Variants in IQCH observed in about 807,000 individuals in gnomAD.
The protein encoded by IQCH is IQ motif containing H, also known as IQ domain-containing protein H.
Under a neutral mutation model 117.0 loss-of-function variants are expected in IQCH, and 98 were observed. The observed-to-expected ratio is 0.84, with a 90% confidence interval of 0.71 to 0.99. The LOEUF is 0.99. IQCH is among the 50% of genes least tolerant of loss of function. The pLI is 0.00. For synonymous variants in IQCH, 412 were observed against 448.2 expected, an observed-to-expected ratio of 0.92 and a Z score of 1.02; for missense variants, 1,102 against 1,243.8, an observed-to-expected ratio of 0.89 and a Z score of 1.72.
chr15:67,264,928 A>T (rs1444934), intron 3 of IQCH, among the ~76,000 whole-genome samples: 67,370 of 151,596 alleles, frequency 0.44, 15,504 homozygotes, highest in Non-Finnish European at 0.52. Flanking sequence ...TACCAAGGCA[A>T]AGTTCAGTGC....
intron 4 of IQCH, among the ~76,000 whole-genome samples, chr15:67,305,140 G>A (rs1238751279): frequency 6.6e-6 from 1 of 151,998 alleles, no homozygotes; most frequent in African/African-American, 2.4e-5. Context: ...CAATTACTGA[G>A]GTAACATCTC....
chr15:67,404,761 AT>A lies in IQCH; in HGVS notation c.2097+4459del, dbSNP rs1971819287. 1 of 152,180 alleles carries A rather than the reference AT, an allele frequency of 6.6e-6. No individual in the cohort carries two copies. Among genetic ancestry groups the A allele is most frequent in the Admixed American group, 6.5e-5 (1 of 15,272 alleles). 9.4% of individuals were successfully genotyped at this position (152,180 alleles called of 1,614,324 possible). ...ATTGAACAATTCAACTAAGTTGGAA[AT>A]TTAGGCTATTCCCAGCTTTCATTTT... On this transcript the variant is annotated intron_variant, in intron 14 of 20. Coordinates refer to ENST00000335894, the MANE Select transcript of IQCH (RefSeq NM_001031715.3). The surrounding 1 kb of genome is among the most constrained non-coding windows in gnomAD (Gnocchi z 4.6).
chr15:67,380,918 A>T (rs1970908326), intron 10 of IQCH, among the ~76,000 whole-genome samples: 1 of 152,228 alleles, frequency 6.6e-6, no homozygotes, highest in Non-Finnish European at 1.5e-5. Flanking sequence ...ACTACTTGGT[A>T]ATCAGGAGTC....
rs1971853417 is a variant in IQCH, at chr15:67,405,403, TCATCA to T, written c.2097+5099_2097+5103del. On this transcript the variant is annotated intron_variant, in intron 14 of 20. Coordinates refer to ENST00000335894, the MANE Select transcript of IQCH (RefSeq NM_001031715.3). The surrounding 1 kb of genome is among the most constrained non-coding windows in gnomAD (Gnocchi z 4.8). ...TTGTATTTCTTTGTCATCATCATCATCATCATCATCATCATCATCATCATCAATAA... is the reference window on the plus strand; with the variant it reads ...TTGTATTTCTTTGTCATCATCATCATTCATCATCATCATCATCATCAATAA... 1 of 158,204 alleles carries T rather than the reference TCATCA, an allele frequency of 6.3e-6. No individual in the cohort carries two copies. Among genetic ancestry groups the T allele is most frequent in the Non-Finnish European group, 1.4e-5 (1 of 72,442 alleles). 9.8% of individuals were successfully genotyped at this position (158,204 alleles called of 1,614,324 possible).
rs2081363415 is a variant in IQCH, at chr15:67,408,519, C to A, written c.2097+8214C>A. 6.6e-6 allele frequency: 1 copy of A among 152,176 alleles called. No homozygotes were observed. The highest frequency in any genetic ancestry group is 6.5e-5 in the Admixed American group (1 of 15,278). The allele number at this position is 152,176 out of a possible 1,614,324, so 9.4% of individuals were successfully genotyped here. A position where few individuals can be genotyped will look rare whatever the true frequency, so the allele number is the denominator to read the frequency against. ...CAATATATAATGCTACTACATCTGC[C>A]TCAAGTGTATGCATCTGTATGTGTG... On this transcript the variant is annotated intron_variant, in intron 14 of 20. Transcript: ENST00000335894. The surrounding 1 kb of genome is among the most constrained non-coding windows in gnomAD (Gnocchi z 4.2).
rs1331293314 is a variant in IQCH at position 67,475,792 on chromosome 15, G to T, written c.2773G>T (p.Ala925Ser). 2 of 1,614,122 alleles carry T rather than the reference G, an allele frequency of 1.2e-6. No individual in the cohort carries two copies. Among genetic ancestry groups the T allele is most frequent in the South Asian group, 2.2e-5 (2 of 91,080 alleles). Residue 925 changes from alanine (A) to serine (S), a missense_variant, in exon 18 of 21, where the codon GCC (alanine) becomes TCC (serine). Coordinates refer to ENST00000335894, the MANE Select transcript of IQCH (RefSeq NM_001031715.3). This position sits in a 1 kb window ranked among gnomAD's most constrained non-coding sequence, Gnocchi z 5.7. ...CTATGTTTTTCTCCAGATCTGTAGGGCCCATGGCATTGGCTATGATGTTGA... is the reference window on the plus strand; with the variant it reads ...CTATGTTTTTCTCCAGATCTGTAGGTCCCATGGCATTGGCTATGATGTTGA... ...FHYVFLQICR[A>S]HGIGYDVEER...
At chr15:67,282,834 T>G (rs1332927418) in intron 4 of IQCH, among the ~76,000 whole-genome samples, 1 of 152,222 alleles carries the variant, frequency 6.6e-6, no homozygotes, top group Non-Finnish European at 1.5e-5. Context: ...ATCAAAAAGC[T>G]TAAATGACAA....
In IQCH at chr15:67,369,129, A is replaced by G. The variant is rs1327278229; in HGVS notation, c.754-2982A>G. 1.3e-5 allele frequency among the ~76,000 whole-genome samples: 2 copies of G among 152,210 alleles called. No individual in the cohort carries two copies. Among genetic ancestry groups the G allele is most frequent in the Non-Finnish European group, 2.9e-5 (2 of 68,040 alleles). ...CTGTGACTTACTAACATATGTAATCATCATCCTGCTTTCCTGTTTTTTGTT... is the reference window on the plus strand; with the variant it reads ...CTGTGACTTACTAACATATGTAATCGTCATCCTGCTTTCCTGTTTTTTGTT... On this transcript the variant is annotated intron_variant, in intron 8 of 20. Coordinates refer to ENST00000335894, the MANE Select transcript of IQCH (RefSeq NM_001031715.3). The surrounding 1 kb of genome is among the most constrained non-coding windows in gnomAD (Gnocchi z 5.2).
chr15:67,257,890 A>G (rs1053974826), intron 1 of IQCH, among the ~76,000 whole-genome samples: 4 of 152,220 alleles, frequency 2.6e-5, no homozygotes, highest in Non-Finnish European at 5.9e-5. Flanking sequence ...TGCTATTTTC[A>G]TTCTTTCTGA....
At chr15:67,373,893 G>A (rs1970649046) in intron 10 of IQCH, 1 of 195,924 alleles carries the variant, frequency 5.1e-6, no homozygotes, top group Non-Finnish European at 1.0e-5. Flanking sequence ...CTAATTACGA[G>A]CAGATGGGAT....
intron 4 of IQCH, among the ~76,000 whole-genome samples, chr15:67,320,147 A>T (rs1968046042): frequency 6.6e-6 from 1 of 152,238 alleles, no homozygotes; most frequent in African/African-American, 2.4e-5. Flanking sequence ...TCAGGAAGGG[A>T]TGCCAAATTA....
chr15:67,298,247 G>A (rs1966871887), intron 4 of IQCH, among the ~76,000 whole-genome samples: 1 of 151,372 alleles, frequency 6.6e-6, no homozygotes, highest in African/African-American at 2.4e-5. Flanking sequence ...GGCGGAGGTT[G>A]CAGTAAGCCG....
At position 67,457,457 on chromosome 15, in the gene IQCH, T is replaced by C. The variant is rs2082686779; in HGVS notation, c.2506-7670T>C. On this transcript the variant is annotated intron_variant, in intron 16 of 20. Transcript: ENST00000335894. The surrounding 1 kb of genome is among the most constrained non-coding windows in gnomAD (Gnocchi z 5.7). Reference sequence around the variant, plus strand: ...GTATTTAAATAGCATCTGCAAAGAGTTAAATGTGCTCCCTGTCTCTGAGAA... The same window carrying C: ...GTATTTAAATAGCATCTGCAAAGAGCTAAATGTGCTCCCTGTCTCTGAGAA... Among the ~76,000 whole-genome samples the C allele has an allele frequency of 6.6e-6, 1 of 152,086 alleles. No homozygotes were observed. Among genetic ancestry groups the C allele is most frequent in the Admixed American group, 6.5e-5 (1 of 15,280 alleles).
rs2082855813 is a variant in IQCH at position 67,463,616 on chromosome 15, C to T, written c.2506-1511C>T. Among the ~76,000 whole-genome samples, 1 of 152,100 alleles carries T rather than the reference C, an allele frequency of 6.6e-6. No individual in the cohort carries two copies. The highest frequency in any genetic ancestry group is 2.1e-4 in the South Asian group (1 of 4,826). On this transcript the variant is annotated intron_variant, in intron 16 of 20. Transcript: ENST00000335894. The surrounding 1 kb of genome is among the most constrained non-coding windows in gnomAD (Gnocchi z 4.0). ...AGATCTGAGATATTTATGATTCACCCAGCTTCATAAAAACTGCAGGTACTT... is the reference window on the plus strand; with the variant it reads ...AGATCTGAGATATTTATGATTCACCTAGCTTCATAAAAACTGCAGGTACTT...
intron 3 of IQCH, among the ~76,000 whole-genome samples, chr15:67,266,851 A>G (rs1028444346): frequency 6.6e-6 from 1 of 152,230 alleles, no homozygotes; most frequent in Non-Finnish European, 1.5e-5. Flanking sequence ...AAAAAAGCTC[A>G]TGCTAAGAGT....
intron 6 of IQCH, among the ~76,000 whole-genome samples, chr15:67,347,540 T>G (rs1194341016): frequency 1.3e-5 from 2 of 151,794 alleles, no homozygotes; most frequent in Non-Finnish European, 2.9e-5. Context: ...CTTAAAAACA[T>G]TGTAAGAAAA....
rs1335696885 is a variant in IQCH, at chr15:67,370,963, G to GT, written c.754-1148_754-1147insT. On this transcript the variant is annotated intron_variant, in intron 8 of 20. Transcript: ENST00000335894. The surrounding 1 kb of genome is among the most constrained non-coding windows in gnomAD (Gnocchi z 5.6). ...GCGTAATCATTATGGATAAATTGCTGGGGGGGGTTTTCTTTGAGTTTTTTG... is the reference window on the plus strand; with the variant it reads ...GCGTAATCATTATGGATAAATTGCTGTGGGGGGGTTTTCTTTGAGTTTTTTG... 2.3e-5 allele frequency among the ~76,000 whole-genome samples: 1 copy of GT among 43,550 alleles called. No homozygotes were observed. Among genetic ancestry groups the GT allele is most frequent in the Non-Finnish European group, 6.5e-5 (1 of 15,364 alleles). 28.6% of individuals were successfully genotyped at this position (43,550 alleles called of 152,430 possible).
rs1010823506 is a variant in IQCH, at chr15:67,261,462, A to G, written c.174+68A>G. On this transcript the variant is annotated intron_variant, in intron 2 of 20. Transcript: ENST00000335894. ...GCATCCTCTAGAAGAAAGGAATTGC[A>G]GTTCTCATAGAGTCCTGCATAATTC... The G allele has an allele frequency of 1.3e-5, 18 of 1,344,356 alleles. No individual in the cohort carries two copies. The Admixed American group carries it at 1.8e-4, about 13-fold the overall frequency. The allele number at this position is 1,344,356 out of a possible 1,614,324, so 83.3% of individuals were successfully genotyped here.
rs1210252803 is a variant in IQCH at position 67,457,261 on chromosome 15, A to C, written c.2506-7866A>C. On this transcript the variant is annotated intron_variant, in intron 16 of 20. Transcript: ENST00000335894. This position sits in a 1 kb window ranked among gnomAD's most constrained non-coding sequence, Gnocchi z 5.7. ...AGTATTTTACTAATTGAAAATTCTT[A>C]CAGTGGGGTGTACCAACTCCTTTAA... is the stretch of plus-strand genomic sequence containing the variant. 6.6e-6 allele frequency among the ~76,000 whole-genome samples: 1 copy of C among 152,226 alleles called. No individual in the cohort carries two copies. Among genetic ancestry groups the C allele is most frequent in the African/African-American group, 2.4e-5 (1 of 41,468 alleles).
Sources: allele counts gnomAD v4.1 joint callset (sites outside exome capture counted in the v4.1 genomes callset), GRCh38; gene constraint gnomAD v4.1.1; non-coding constraint Gnocchi (gnomAD v3.1); transcripts MANE v1.5; gene names NCBI Gene and HGNC (gene_info 2026-07-23, HGNC 2026-07-21).